The following DNAJC13 variants were observed in gnomAD, a reference collection of about 807,000 sequenced individuals.
DNAJC13 encodes the protein DnaJ heat shock protein family (Hsp40) member C13.
DNAJC13 carries 75 observed loss-of-function variants against 290.5 expected under a neutral mutation model. The observed-to-expected ratio is 0.26, with a 90% CI of 0.21 to 0.31. The LOEUF (loss-of-function observed/expected upper bound fraction) is 0.31. Ranked by LOEUF, DNAJC13 falls within the 10% of genes least tolerant of loss-of-function variation. The probability of loss-of-function intolerance (pLI) is 1.00; values close to 1 mark genes in which losing one functional copy is unlikely to be tolerated. For synonymous variants in DNAJC13, 862 were observed against 892.0 expected (o/e 0.97, Z 0.60); for missense variants, 2,260 against 2,674.5 (o/e 0.85, Z 3.42).
chr3:132,475,914 T>C (rs1934456746), intron 22 of DNAJC13, among the ~76,000 whole-genome samples: 1 of 152,154 alleles, frequency 6.6e-6, no homozygotes, highest in African/African-American at 2.4e-5. Context: ...GTTTCATGGC[T>C]TTAAATATTT....
At position 132,523,210 on chromosome 3, in the gene DNAJC13, CT is replaced by C. The variant is rs1294307835; in HGVS notation, c.5886+15del. 7 of 1,612,708 alleles carry C rather than the reference CT, an allele frequency of 4.3e-6. No homozygotes were observed. The highest frequency in any genetic ancestry group is 4.0e-5 in the African/African-American group (3 of 74,864). ...GAGGCAAACTGGAAGGTAAAATATACTTTTATTTTACATCTTATTTTCTGTT... is the reference window on the plus strand; with the variant it reads ...GAGGCAAACTGGAAGGTAAAATATACTTTATTTTACATCTTATTTTCTGTT... On this transcript the variant is annotated intron_variant, in intron 50 of 55. Transcript: ENST00000260818.
intron 40 of DNAJC13, 90 bp downstream of exon 40, chr3:132,502,558 C>A: frequency 8.6e-7 from 1 of 1,165,104 alleles, no homozygotes; most frequent in African/African-American, 1.6e-5. Flanking sequence ...ATCCAGAGTC[C>A]CCAGAGATAA....
At chr3:132,495,658 A>C (rs1935213377) in intron 35 of DNAJC13, among the ~76,000 whole-genome samples, 1 of 152,186 alleles carries the variant, frequency 6.6e-6, no homozygotes, top group African/African-American at 2.4e-5. Flanking sequence ...AAACGATGAA[A>C]TCACGTAAGA....
chr3:132,421,048 A>C (rs1001686721), intron 1 of DNAJC13, among the ~76,000 whole-genome samples: 3 of 152,260 alleles, frequency 2.0e-5, no homozygotes, highest in Non-Finnish European at 4.4e-5. Flanking sequence ...TTGAGCAAAC[A>C]ATGCAGTGAG....
At chr3:132,468,526 T>G (rs1934075885) in intron 20 of DNAJC13, among the ~76,000 whole-genome samples, 1 of 152,180 alleles carries the variant, frequency 6.6e-6, no homozygotes. Flanking sequence ...GGCTTTCAAG[T>G]GACTATGTAG....
At chr3:132,444,596 T>A (rs1933182815) in intron 2 of DNAJC13, among the ~76,000 whole-genome samples, 1 of 152,214 alleles carries the variant, frequency 6.6e-6, no homozygotes, top group Non-Finnish European at 1.5e-5. Flanking sequence ...GTAGTTTTAT[T>A]TCAGGATTGT....
Position 132,526,876 on chromosome 3 carries a change from T to C in DNAJC13, c.6381+595T>C, listed in dbSNP as rs1027746393. Among the ~76,000 whole-genome samples, 15 of 152,320 alleles carry C rather than the reference T, an allele frequency of 9.8e-5. 1 individual carries two copies. The highest frequency in any genetic ancestry group is 8.5e-4 in the Admixed American group (13 of 15,290). ...TGTAACTCAAAGAACAAATACCACATGATCTGACTTGTAAGTGGAGTCTAA... is the reference window on the plus strand; with the variant it reads ...TGTAACTCAAAGAACAAATACCACACGATCTGACTTGTAAGTGGAGTCTAA... On this transcript the variant is annotated intron_variant, in intron 53 of 55. Coordinates refer to ENST00000260818, the MANE Select transcript of DNAJC13 (RefSeq NM_015268.4).
rs143783706 is a variant in DNAJC13 at position 132,455,605 on chromosome 3, C to T, written c.933-630C>T. Among the ~76,000 whole-genome samples the T allele has an allele frequency of 7.8e-4, 118 of 152,180 alleles. 2 individuals carry two copies. The highest frequency in any genetic ancestry group is 2.7e-3 in the African/African-American group (113 of 41,528). On this transcript the variant is annotated intron_variant, in intron 9 of 55. Transcript: ENST00000260818. ...ATATCTAGATCAGCCAGTGAATAAA[C>T]AGACAAAATGTTGCCTGTTCATACA...
chr3:132,466,508 TAG>T, intron 19 of DNAJC13, 114 bp downstream of exon 19: 2 of 742,148 alleles, frequency 2.7e-6, no homozygotes, highest in Non-Finnish European at 4.0e-6. Context: ...TTGCATTGAA[TAG>T]TATACTTAAC....
chr3:132,478,240 C>T, intron 24 of DNAJC13, 100 bp downstream of exon 24: 1 of 979,668 alleles, frequency 1.0e-6, no homozygotes, highest in East Asian at 2.7e-5. Flanking sequence ...CACATTATTA[C>T]TGTAACTTTC....
intron 2 of DNAJC13, among the ~76,000 whole-genome samples, chr3:132,441,431 A>T (rs1211697191): frequency 6.6e-6 from 1 of 152,218 alleles, no homozygotes; most frequent in South Asian, 2.1e-4. Flanking sequence ...GCTGTGTGTT[A>T]TGAGATCTAG....
chr3:132,455,065 C>T (rs1203952633), intron 9 of DNAJC13, among the ~76,000 whole-genome samples: 1 of 152,046 alleles, frequency 6.6e-6, no homozygotes, highest in African/African-American at 2.4e-5. Context: ...AACTTTGACA[C>T]CATTTAGAAA....
chr3:132,470,194 G>A (rs1356262249), intron 20 of DNAJC13, among the ~76,000 whole-genome samples: 4 of 68,762 alleles, frequency 5.8e-5, no homozygotes, highest in African/African-American at 1.9e-4. Flanking sequence ...GACTCTTAAC[G>A]AGCATGCTGT....
intron 5 of DNAJC13, among the ~76,000 whole-genome samples, chr3:132,449,292 T>C (rs1933350410): frequency 6.6e-6 from 1 of 152,174 alleles, no homozygotes; most frequent in East Asian, 1.9e-4. Flanking sequence ...GCCCCTGCAA[T>C]CCTGAGGGAT....
chr3:132,467,521 A>G (rs1447603139), intron 20 of DNAJC13, among the ~76,000 whole-genome samples: 5 of 152,132 alleles, frequency 3.3e-5, no homozygotes, highest in African/African-American at 9.7e-5. Flanking sequence ...GCTGGAGTGC[A>G]GTGGAGCGAT....
At chr3:132,479,361 A>C (rs969626714) in intron 25 of DNAJC13, 72 bp downstream of exon 25, 153 of 1,069,770 alleles carry the variant, frequency 1.4e-4, no homozygotes, top group Non-Finnish European at 1.9e-4. Flanking sequence ...TCACAGTTTG[A>C]GTTGATTATC....
At chr3:132,468,885 A>C (rs1180382207) in intron 20 of DNAJC13, among the ~76,000 whole-genome samples, 12 of 152,178 alleles carry the variant, frequency 7.9e-5, no homozygotes, top group Non-Finnish European at 7.4e-5. Flanking sequence ...TATAATTATC[A>C]TACTGTAGAT....
At chr3:132,433,420 T>G (rs745362182) in intron 1 of DNAJC13, among the ~76,000 whole-genome samples, 4 of 152,082 alleles carry the variant, frequency 2.6e-5, no homozygotes, top group Non-Finnish European at 5.9e-5. Context: ...GCTAGGAGTG[T>G]AGGCATATGC....
intron 1 of DNAJC13, among the ~76,000 whole-genome samples, chr3:132,421,604 T>C (rs2107637292): frequency 6.6e-6 from 1 of 152,060 alleles, no homozygotes; most frequent in South Asian, 2.1e-4. Context: ...GCTGATTTTT[T>C]TTTTTTTCTG....
Sources: gnomAD v4.1 joint callset for allele counts (sites outside exome capture counted in the v4.1 genomes callset) on GRCh38, gnomAD v4.1.1 for gene constraint, MANE v1.5 for transcripts, NCBI Gene and HGNC (gene_info 2026-07-23, HGNC 2026-07-21) for gene names.